CSMD1: variants seen among roughly 807,000 people sequenced by gnomAD.
The protein encoded by CSMD1 is CUB and sushi domain-containing protein 1.
A neutral mutation model predicts 417.5 loss-of-function variants in CSMD1; 213 were observed. That is an observed-to-expected ratio of 0.51 (90% CI 0.46 to 0.57). The LOEUF is 0.57. Ranked by LOEUF, CSMD1 falls within the 20% of genes least tolerant of loss-of-function variation. The pLI is 0.00. For synonymous variants in CSMD1, 2,862 were observed against 1,736.8 expected (o/e 1.65, Z -16.11); for missense variants, 6,923 against 4,529.7 (o/e 1.53, Z -15.17).
intron 2 of CSMD1, among the ~76,000 whole-genome samples, chr8:4,453,084 G>A (rs1192174909): frequency 1.3e-5 from 2 of 152,042 alleles, no homozygotes; most frequent in Non-Finnish European, 2.9e-5. Context: ...AAGCTCTCCT[G>A]GGGCTATAGA....
At chr8:3,505,406 T>A (rs1796782323) in intron 10 of CSMD1, among the ~76,000 whole-genome samples, 1 of 152,140 alleles carries the variant, frequency 6.6e-6, no homozygotes, top group Non-Finnish European at 1.5e-5. Context: ...TCTTGAGAAA[T>A]AATTATGGGC....
chr8:3,648,817 T>G (rs1797705143), intron 7 of CSMD1, among the ~76,000 whole-genome samples: 1 of 152,236 alleles, frequency 6.6e-6, no homozygotes, highest in Non-Finnish European at 1.5e-5. Context: ...TCTCAGAACA[T>G]GACATTTCTC....
intron 5 of CSMD1, among the ~76,000 whole-genome samples, chr8:3,756,363 A>G (rs917691087): frequency 2.0e-5 from 3 of 152,126 alleles, no homozygotes; most frequent in African/African-American, 7.2e-5. Flanking sequence ...AAAAAAAAAA[A>G]AAAATCATTA....
intron 25 of CSMD1, among the ~76,000 whole-genome samples, chr8:3,306,571 T>A (rs1804868063): frequency 6.6e-6 from 1 of 152,112 alleles, no homozygotes; most frequent in South Asian, 2.1e-4. Context: ...CATGATGGAG[T>A]GTAGACGCCT....
intron 2 of CSMD1, among the ~76,000 whole-genome samples, chr8:4,625,271 C>G (rs1169932542): frequency 6.6e-6 from 1 of 152,012 alleles, no homozygotes; most frequent in Non-Finnish European, 1.5e-5. Flanking sequence ...AGTTAATTTT[C>G]CTTTACTGGA....
chr8:3,739,443 T>C (rs181022271), intron 6 of CSMD1, among the ~76,000 whole-genome samples: 4 of 152,218 alleles, frequency 2.6e-5, no homozygotes, highest in Admixed American at 2.0e-4. Context: ...ATGTTTGAAG[T>C]GATGCACCCG....
At chr8:4,079,040 C>T (rs2161928) in intron 3 of CSMD1, among the ~76,000 whole-genome samples, 3,211 of 150,726 alleles carry the variant, frequency 0.021, 101 homozygotes, top group African/African-American at 0.072. Flanking sequence ...AGGTATGGAC[C>T]CGACCACAAG....
At chr8:3,449,334 A>G (rs1461654347) in intron 12 of CSMD1, among the ~76,000 whole-genome samples, 2 of 152,164 alleles carry the variant, frequency 1.3e-5, no homozygotes, top group Non-Finnish European at 2.9e-5. Flanking sequence ...CACAAACTCA[A>G]TATAATCTTG....
intron 4 of CSMD1, among the ~76,000 whole-genome samples, chr8:4,013,550 C>T (rs990384316): frequency 6.6e-6 from 1 of 152,174 alleles, no homozygotes; most frequent in African/African-American, 2.4e-5. Context: ...TACATGTCAG[C>T]TTCTCAGTGA....
chr8:3,335,913 C>A (rs1364488004), intron 23 of CSMD1, among the ~76,000 whole-genome samples: 1 of 152,156 alleles, frequency 6.6e-6, no homozygotes, highest in Non-Finnish European at 1.5e-5. Flanking sequence ...TGATCCAAGG[C>A]TTCTCTGTTC....
chr8:3,296,083 A>C (rs1448995497), intron 25 of CSMD1, among the ~76,000 whole-genome samples: 1 of 152,068 alleles, frequency 6.6e-6, no homozygotes, highest in Non-Finnish European at 1.5e-5. Flanking sequence ...GAATGTTAGT[A>C]GGTGGTAAAT....
intron 2 of CSMD1, among the ~76,000 whole-genome samples, chr8:4,567,473 A>G (rs1279039229): frequency 6.6e-6 from 1 of 152,186 alleles, no homozygotes; most frequent in Non-Finnish European, 1.5e-5. Flanking sequence ...GGAAGAAAAG[A>G]GCAATTCCAA....
At chr8:3,165,606 A>G (rs1820156806) in intron 37 of CSMD1, among the ~76,000 whole-genome samples, 1 of 151,518 alleles carries the variant, frequency 6.6e-6, no homozygotes, top group South Asian at 2.1e-4. Context: ...TAATTTTTTT[A>G]TATTTTTAGA....
intron 7 of CSMD1, among the ~76,000 whole-genome samples, chr8:3,653,607 C>T (rs1053944588): frequency 5.9e-5 from 9 of 152,172 alleles, no homozygotes; most frequent in Non-Finnish European, 1.2e-4. Context: ...CCCTGCCTGG[C>T]CAGTTATGGG....
chr8:4,679,122 T>C (rs1401212551), intron 1 of CSMD1, among the ~76,000 whole-genome samples: 2 of 152,158 alleles, frequency 1.3e-5, no homozygotes, highest in Non-Finnish European at 1.5e-5. Flanking sequence ...TCTTTTTCTG[T>C]CAATGTACTT....
intron 1 of CSMD1, among the ~76,000 whole-genome samples, chr8:4,835,287 T>C (rs1393991166): frequency 1.3e-5 from 2 of 152,006 alleles, no homozygotes; most frequent in Non-Finnish European, 2.9e-5. Flanking sequence ...ACAAACATCG[T>C]CGGAGATTAC....
intron 5 of CSMD1, among the ~76,000 whole-genome samples, chr8:3,855,986 T>C (rs914326131): frequency 6.6e-6 from 1 of 152,160 alleles, no homozygotes; most frequent in Non-Finnish European, 1.5e-5. Flanking sequence ...TCTGTCAGTA[T>C]TAATCAATTT....
intron 3 of CSMD1, among the ~76,000 whole-genome samples, chr8:4,225,635 A>C (rs1386648452): frequency 6.6e-6 from 1 of 151,698 alleles, no homozygotes; most frequent in Non-Finnish European, 1.5e-5. Flanking sequence ...TCTGATCTGC[A>C]TCATAACCAG....
At chr8:3,926,031 AC>A in intron 5 of CSMD1, among the ~76,000 whole-genome samples, 1 of 135,464 alleles carries the variant, frequency 7.4e-6, no homozygotes, top group African/African-American at 3.0e-5. Context: ...ACACACACAC[AC>A]ACACACACAC....
Sources: gnomAD v4.1 joint callset for allele counts (sites outside exome capture counted in the v4.1 genomes callset) on GRCh38, gnomAD v4.1.1 for gene constraint, MANE v1.5 for transcripts, NCBI Gene and HGNC (gene_info 2026-07-23, HGNC 2026-07-21) for gene names.